Variants in UNC13A observed in about 807,000 individuals in gnomAD.
UNC13A encodes protein unc-13 homolog A.
UNC13A carries 61 observed loss-of-function variants against 219.7 expected under a neutral mutation model. That is an observed-to-expected ratio of 0.28 (90% CI 0.23 to 0.34). The LOEUF (loss-of-function observed/expected upper bound fraction) is 0.34, where lower values mean the gene tolerates loss of function less well. Among genes scored for constraint, UNC13A ranks in the 10% least tolerant of loss-of-function variants. The probability of loss-of-function intolerance (pLI) is 1.00; values close to 1 mark genes in which losing one functional copy is unlikely to be tolerated. For synonymous variants in UNC13A, 920 were observed against 884.6 expected (o/e 1.04, Z -0.71); for missense variants, 1,476 against 2,270.3 (o/e 0.65, Z 7.11).
chr19:17,686,386 G>C (rs911254569), intron 1 of UNC13A, among the ~76,000 whole-genome samples: 3 of 151,124 alleles, frequency 2.0e-5, no homozygotes, highest in African/African-American at 7.3e-5. Flanking sequence ...GCGGGATGCT[G>C]GGGGGAGAAG....
chr19:17,606,066 C>T lies in UNC13A; in HGVS notation c.5100G>A (p.Ala1700=), dbSNP rs766023950. The change falls in exon 44 of 44, where the codon GCG becomes GCA. Residue 1700 remains alanine, a synonymous_variant. Coordinates refer to ENST00000519716, the MANE Select transcript of UNC13A (RefSeq NM_001080421.3). ...CCGACCGCCCGCGCTAAGGCGCAGG[C>T]GCGGCACCGCCCTCCTCGGCGGAGC... is the stretch of plus-strand genomic sequence containing the variant. ...DTRSAEEGGA[A]PAP is the part of the protein sequence containing the mutation. The T allele has an allele frequency of 2.5e-6, 4 of 1,569,212 alleles. No individual in the cohort carries two copies. In the African/African-American group the frequency reaches 4.3e-5, roughly 17 times the overall value.
chr19:17,662,890 A>C (rs1432679805), intron 8 of UNC13A, among the ~76,000 whole-genome samples: 2 of 148,800 alleles, frequency 1.3e-5, no homozygotes, highest in African/African-American at 5.0e-5. Context: ...ACTGCCCTCC[A>C]GCCTGGGTGA....
In UNC13A at chr19:17,654,029, A is replaced by G. The variant is rs151191175; in HGVS notation, c.1392+1245T>C. Among the ~76,000 whole-genome samples, 276 of 150,884 alleles carry G rather than the reference A, an allele frequency of 1.8e-3. 1 individual carries two copies. The highest frequency in any genetic ancestry group is 6.4e-3 in the African/African-American group (260 of 40,924). ...CTTTCACTAGAGACGGGGTTTCACC[A>G]TGTTAGCCAGGATGGTCTCGATCTC... On this transcript the variant is annotated intron_variant, in intron 11 of 43. Transcript: ENST00000519716.
chr19:17,634,496 GC>G (rs2145018119), intron 26 of UNC13A, among the ~76,000 whole-genome samples: 1 of 152,004 alleles, frequency 6.6e-6, no homozygotes, highest in South Asian at 2.1e-4. Flanking sequence ...GAGCCACTAT[GC>G]CCGGCTAATT....
intron 8 of UNC13A, among the ~76,000 whole-genome samples, chr19:17,658,858 G>C (rs1427531881): frequency 6.6e-6 from 1 of 151,986 alleles, no homozygotes; most frequent in Non-Finnish European, 1.5e-5. Flanking sequence ...CCACACACTT[G>C]GAATCTATTG....
intron 1 of UNC13A, among the ~76,000 whole-genome samples, chr19:17,683,630 T>A (rs866181599): frequency 2.0e-5 from 3 of 151,162 alleles, no homozygotes; most frequent in African/African-American, 7.3e-5. Context: ...TACACTGCAG[T>A]CCGGGTGACA....
At chr19:17,629,494 A>G (rs1040932541) in intron 30 of UNC13A, among the ~76,000 whole-genome samples, 171 bp from the exon 31 acceptor site, 2 of 152,128 alleles carry the variant, frequency 1.3e-5, no homozygotes, top group Non-Finnish European at 2.9e-5. Context: ...CAAGACCTAG[A>G]GGAGATACCG....
At chr19:17,656,460 G>A (rs977587437) in intron 9 of UNC13A, 62 bp from the exon 10 acceptor site, 2 of 1,429,078 alleles carry the variant, frequency 1.4e-6, no homozygotes, top group Non-Finnish European at 9.2e-7. Flanking sequence ...CTGAGCCCCA[G>A]TCACACAGGC....
rs753831000 is a variant in UNC13A at position 17,655,908 on chromosome 19, C to A, written c.1258G>T (p.Ala420Ser). ...KVPAAEQIPE[A>S]EPPKDEESFR... is the part of the protein sequence containing the mutation. ...CTCTCCTCGTCCTTGGGTGGCTCAG[C>A]CTCAGGGATCTGCTCAGCTGCAGGC... Residue 420 changes from alanine to serine, a missense_variant, in exon 10 of 44, where the codon GCT (alanine) becomes TCT (serine). By Grantham distance (99) the Ala-to-Ser change is moderately conservative. Coordinates refer to ENST00000519716, the MANE Select transcript of UNC13A (RefSeq NM_001080421.3). The A allele has an allele frequency of 6.6e-7, 1 of 1,525,106 alleles. No individual in the cohort carries two copies. Among genetic ancestry groups the A allele is most frequent in the Non-Finnish European group, 8.8e-7 (1 of 1,140,480 alleles). 94.5% of individuals were successfully genotyped at this position (1,525,106 alleles called of 1,614,324 possible).
intron 2 of UNC13A, 51 bp downstream of exon 2, chr19:17,675,961 C>T: frequency 3.1e-6 from 4 of 1,293,956 alleles, no homozygotes; most frequent in Non-Finnish European, 4.2e-6. Context: ...CTCCAAGAGA[C>T]AGACAGACAG....
At chr19:17,655,797 C>T in intron 10 of UNC13A, 86 bp downstream of exon 10, 2 of 1,433,270 alleles carry the variant, frequency 1.4e-6, no homozygotes, top group Non-Finnish European at 1.8e-6. Flanking sequence ...CCAGCAACTT[C>T]CCAGGTCCAC....
At position 17,660,032 on chromosome 19, in the gene UNC13A, A is replaced by C. The variant is rs941613936; in HGVS notation, c.560-1763T>G. On this transcript the variant is annotated intron_variant, in intron 8 of 43. Coordinates refer to ENST00000519716, the MANE Select transcript of UNC13A (RefSeq NM_001080421.3). ...CATCTCAGCCTCCACAGTAGCTGGG[A>C]CCACAGGCACACACCACCACACCCA... 3.9e-5 allele frequency among the ~76,000 whole-genome samples: 6 copies of C among 152,228 alleles called. No homozygotes were observed. The South Asian group carries it at 6.2e-4, about 16-fold the overall frequency.
At chr19:17,680,392 C>T (rs1168589169) in intron 1 of UNC13A, among the ~76,000 whole-genome samples, 1 of 151,570 alleles carries the variant, frequency 6.6e-6, no homozygotes, top group Non-Finnish European at 1.5e-5. Context: ...CGTGGGCGCG[C>T]GGAGGGCGTG....
chr19:17,662,224 C>CA (rs1306842095), intron 8 of UNC13A, among the ~76,000 whole-genome samples: 1 of 149,980 alleles, frequency 6.7e-6, no homozygotes, highest in Non-Finnish European at 1.5e-5. Flanking sequence ...CCAGCCTGGG[C>CA]AACAGAGCAA....
intron 41 of UNC13A, among the ~76,000 whole-genome samples, chr19:17,615,055 C>T (rs55681926): frequency 6.6e-6 from 1 of 152,076 alleles, no homozygotes; most frequent in Non-Finnish European, 1.5e-5. Flanking sequence ...TCCAACCCCA[C>T]TCCCCACTCC....
At position 17,656,292 on chromosome 19, in the gene UNC13A, T is replaced by C. The variant is rs904677625; in HGVS notation, c.874A>G (p.Met292Val). The C allele has an allele frequency of 2.6e-6, 4 of 1,552,922 alleles. No homozygotes were observed. Among genetic ancestry groups the C allele is most frequent in the Non-Finnish European group, 3.5e-6 (4 of 1,147,978 alleles). ...GAGTCCCGGTCCCGCTCATCCTCCATGTCGGAGCCCTGCAGGCTGTGCTCG... is the reference window on the plus strand; with the variant it reads ...GAGTCCCGGTCCCGCTCATCCTCCACGTCGGAGCCCTGCAGGCTGTGCTCG... The part of the protein sequence containing the change: ...PDEHSLQGSD[M>V]EDERDRDSYH... The change falls in exon 10 of 44, where the codon ATG becomes GTG. Residue 292 changes from methionine to valine, a missense_variant. By Grantham distance (21) the Met-to-Val change is conservative. Around this residue, in one of 14 missense-constraint regions of UNC13A, gnomAD observed 351 missense variants for 342.6 expected, o/e 1.02. Transcript: ENST00000519716.
At chr19:17,639,632 G>A (rs2076946516) in intron 23 of UNC13A, 107 bp from the exon 24 acceptor site, 1 of 1,321,062 alleles carries the variant, frequency 7.6e-7, no homozygotes, top group Non-Finnish European at 1.1e-6. Context: ...GCTGGGGGTT[G>A]ATTAGAGCAC....
chr19:17,672,818 GTAAGTGA>G (rs1339538475), intron 3 of UNC13A, among the ~76,000 whole-genome samples: 1 of 152,096 alleles, frequency 6.6e-6, no homozygotes, highest in South Asian at 2.1e-4. Flanking sequence ...ACCATGCTGG[GTAAGTGA>G]GGAAGAGGCT....
chr19:17,621,450 T>A (rs2076728770), intron 37 of UNC13A, among the ~76,000 whole-genome samples: 1 of 152,030 alleles, frequency 6.6e-6, no homozygotes, highest in African/African-American at 2.4e-5. Flanking sequence ...CAAACACCCA[T>A]TAGCACAGCA....
Sources: gnomAD v4.1 joint callset for allele counts (sites outside exome capture counted in the v4.1 genomes callset) on GRCh38, gnomAD v4.1.1 for gene constraint, gnomAD v4.1.1 regional missense constraint, MANE v1.5 for transcripts, NCBI Gene and HGNC (gene_info 2026-07-23, HGNC 2026-07-21) for gene names.